The following PCDH7 variants were observed in gnomAD, a reference collection of about 807,000 sequenced individuals.
PCDH7 encodes protocadherin 7.
PCDH7 carries 17 observed loss-of-function variants against 58.9 expected under a neutral mutation model. That is an observed-to-expected ratio of 0.29 (90% CI 0.20 to 0.43). The LOEUF is 0.43. PCDH7 is among the 20% of genes least tolerant of loss of function. The pLI is 1.00. For missense variants in PCDH7, 1,274 were observed against 1,441.0 expected (o/e 0.88, Z 1.88); for synonymous variants, 664 against 616.4 (o/e 1.08, Z -1.14).
intron 3 of PCDH7, among the ~76,000 whole-genome samples, chr4:30,961,046 T>C (rs915598864): frequency 4.6e-5 from 7 of 152,174 alleles, no homozygotes; most frequent in African/African-American, 1.2e-4. Context: ...AATGAAGATA[T>C]GTGGATTTAT....
intron 1 of PCDH7, among the ~76,000 whole-genome samples, chr4:30,797,491 G>T (rs1021186571): frequency 2.6e-5 from 4 of 151,780 alleles, no homozygotes; most frequent in African/African-American, 9.7e-5. Flanking sequence ...AGCCAGGATG[G>T]TCTCGATTTC....
intron 3 of PCDH7, among the ~76,000 whole-genome samples, chr4:31,118,123 G>T (rs1188227594): frequency 1.3e-5 from 2 of 152,144 alleles, no homozygotes; most frequent in Non-Finnish European, 2.9e-5. Flanking sequence ...GTAACTATTT[G>T]TTGAATAAAT....
intron 1 of PCDH7, among the ~76,000 whole-genome samples, chr4:30,753,182 C>A (rs1718798070): frequency 6.6e-6 from 1 of 152,276 alleles, no homozygotes; most frequent in Middle Eastern, 3.4e-3. Context: ...CTATGAAAGA[C>A]AAGGTCAGAG....
At chr4:30,734,527 C>G (rs1222453150), downstream of PCDH7, among the ~76,000 whole-genome samples, 1 of 152,146 alleles carries the variant, frequency 6.6e-6, no homozygotes, top group African/African-American at 2.4e-5. Flanking sequence ...TGCCACTGCG[C>G]CTGGCCATAA....
chr4:31,107,309 A>G (rs1301000315), intron 3 of PCDH7, among the ~76,000 whole-genome samples: 1 of 152,104 alleles, frequency 6.6e-6, no homozygotes, highest in African/African-American at 2.4e-5. Flanking sequence ...TTTTCTTTCT[A>G]TCTCACAATA....
intron 1 of PCDH7, among the ~76,000 whole-genome samples, chr4:30,810,441 TTG>T (rs1726825282): frequency 6.6e-6 from 1 of 152,004 alleles, no homozygotes; most frequent in Non-Finnish European, 1.5e-5. Flanking sequence ...GCTTTTTTTT[TTG>T]CTTTTCTACT....
intron 3 of PCDH7, among the ~76,000 whole-genome samples, chr4:31,112,100 A>C (rs999536475): frequency 1.3e-5 from 2 of 152,096 alleles, no homozygotes; most frequent in Non-Finnish European, 2.9e-5. Context: ...TGAGATATTT[A>C]TTTTTCTTGA....
At chr4:30,742,950 C>T (rs1023296283) in intron 1 of PCDH7, among the ~76,000 whole-genome samples, 1 of 152,172 alleles carries the variant, frequency 6.6e-6, no homozygotes, top group Admixed American at 6.5e-5. Flanking sequence ...GTCTTGATCT[C>T]TGATGTTGAG....
chr4:30,801,637 G>T (rs1428249935), intron 1 of PCDH7, among the ~76,000 whole-genome samples: 1 of 152,086 alleles, frequency 6.6e-6, no homozygotes, highest in Non-Finnish European at 1.5e-5. Flanking sequence ...TTGTTTTAAA[G>T]AAATAGAACT....
intron 1 of PCDH7, among the ~76,000 whole-genome samples, chr4:30,786,411 T>G (rs1723403861): frequency 6.6e-6 from 1 of 152,074 alleles, no homozygotes; most frequent in African/African-American, 2.4e-5. Flanking sequence ...TCTTTTGACA[T>G]TTCATAGCCT....
chr4:30,928,136 G>A (rs1166016680), intron 2 of PCDH7, among the ~76,000 whole-genome samples: 1 of 152,024 alleles, frequency 6.6e-6, no homozygotes, highest in East Asian at 1.9e-4. Context: ...CCTGTTCAAG[G>A]CTGTTCTCAA....
intron 3 of PCDH7, among the ~76,000 whole-genome samples, chr4:31,099,851 G>C (rs2109298890): frequency 6.6e-6 from 1 of 152,216 alleles, no homozygotes; most frequent in South Asian, 2.1e-4. Context: ...AGCCTTCGTA[G>C]GAATGTATTG....
chr4:31,062,973 AAGAG>A (rs778548198), intron 3 of PCDH7, among the ~76,000 whole-genome samples: 5 of 151,844 alleles, frequency 3.3e-5, no homozygotes, highest in Non-Finnish European at 5.9e-5. Context: ...TAACTACAGA[AAGAG>A]AGAATATGTG....
intron 2 of PCDH7, among the ~76,000 whole-genome samples, chr4:30,930,955 C>T (rs1744501545): frequency 6.6e-6 from 1 of 151,666 alleles, no homozygotes; most frequent in Non-Finnish European, 1.5e-5. Context: ...AAACAGAACA[C>T]AAACAAACAA....
At chr4:31,006,005 G>A (rs1752742962) in intron 3 of PCDH7, among the ~76,000 whole-genome samples, 1 of 152,058 alleles carries the variant, frequency 6.6e-6, no homozygotes, top group African/African-American at 2.4e-5. Context: ...AAATGGAGAC[G>A]ATAATAATAT....
At chr4:31,016,880 CAT>C (rs1340188947) in intron 3 of PCDH7, among the ~76,000 whole-genome samples, 1 of 126,080 alleles carries the variant, frequency 7.9e-6, no homozygotes, top group African/African-American at 3.0e-5. Flanking sequence ...AGTGTGTGTG[CAT>C]ATGTGTGTGT....
intron 3 of PCDH7, among the ~76,000 whole-genome samples, chr4:31,076,109 G>C (rs11941802): frequency 0.033 from 5,021 of 152,222 alleles, 248 homozygotes; most frequent in African/African-American, 0.11. Context: ...TTGTCCCTAT[G>C]TAGTCTGAAG....
intron 1 of PCDH7, among the ~76,000 whole-genome samples, chr4:30,750,467 A>G (rs759131515): frequency 1.3e-5 from 2 of 152,182 alleles, no homozygotes; most frequent in Non-Finnish European, 2.9e-5. Flanking sequence ...AGACTCAACC[A>G]TTAATCCCTC....
intron 3 of PCDH7, among the ~76,000 whole-genome samples, chr4:30,981,785 A>G (rs1750593784): frequency 6.6e-6 from 1 of 152,174 alleles, no homozygotes; most frequent in African/African-American, 2.4e-5. Flanking sequence ...TGTGTTGTAT[A>G]TCACTGATTT....
Sources: allele counts gnomAD v4.1 joint callset (sites outside exome capture counted in the v4.1 genomes callset), GRCh38; gene constraint gnomAD v4.1.1; transcripts MANE v1.5; gene names NCBI Gene and HGNC (gene_info 2026-07-23, HGNC 2026-07-21).